The following PHACTR1 variants were observed in gnomAD, a reference collection of about 807,000 sequenced individuals.
The protein encoded by PHACTR1 is RPEL repeat containing 1.
Under a neutral mutation model 69.2 loss-of-function variants are expected in PHACTR1, and 16 were observed. The observed-to-expected ratio is 0.23, with a 90% CI of 0.16 to 0.35. PHACTR1 has a LOEUF of 0.35. Ranked by LOEUF, PHACTR1 falls within the 10% of genes least tolerant of loss-of-function variation. The probability of loss-of-function intolerance (pLI) is 1.00; values close to 1 mark genes in which losing one functional copy is unlikely to be tolerated. For missense variants in PHACTR1, 510 were observed against 734.7 expected, an observed-to-expected ratio of 0.69 and a Z score of 3.54; for synonymous variants, 312 against 284.5, an observed-to-expected ratio of 1.10 and a Z score of -0.97.
chr6:12,958,904 C>T (rs114814011), intron 4 of PHACTR1, among the ~76,000 whole-genome samples: 1,755 of 152,146 alleles, frequency 0.012, 15 homozygotes, highest in Non-Finnish European at 0.019. Flanking sequence ...GGGTCGGGCA[C>T]GGTGGCTCAC....
At chr6:12,918,322 A>C (rs150810343) in intron 4 of PHACTR1, among the ~76,000 whole-genome samples, 36 of 152,160 alleles carry the variant, frequency 2.4e-4, no homozygotes, top group Middle Eastern at 3.4e-3. Context: ...AATTTCCATT[A>C]CTCTTTTTGA....
intron 5 of PHACTR1, among the ~76,000 whole-genome samples, chr6:13,075,507 G>A (rs1263928015): frequency 6.6e-6 from 1 of 152,160 alleles, no homozygotes; most frequent in African/African-American, 2.4e-5. Context: ...GTGAGTAGTT[G>A]TATTTAGTAA....
intron 10 of PHACTR1, among the ~76,000 whole-genome samples, chr6:13,261,810 C>A (rs558189932): frequency 6.6e-6 from 1 of 152,098 alleles, no homozygotes; most frequent in East Asian, 1.9e-4. Context: ...TAAGCTGTAA[C>A]GTTAGGGATT....
At chr6:12,722,561 G>A (rs1361111092) in intron 3 of PHACTR1, among the ~76,000 whole-genome samples, 1 of 152,154 alleles carries the variant, frequency 6.6e-6, no homozygotes, top group Non-Finnish European at 1.5e-5. Context: ...AGGGTGAGAA[G>A]AAAAAGAAGG....
chr6:13,189,526 G>A (rs1181947194), intron 7 of PHACTR1, among the ~76,000 whole-genome samples: 2 of 152,070 alleles, frequency 1.3e-5, no homozygotes, highest in East Asian at 3.9e-4. Context: ...AGCCTCCTGA[G>A]TAGCTGGAAC....
chr6:12,832,276 A>G (rs1258662779), intron 4 of PHACTR1, among the ~76,000 whole-genome samples: 1 of 152,138 alleles, frequency 6.6e-6, no homozygotes, highest in Non-Finnish European at 1.5e-5. Context: ...AACACTTGGA[A>G]AGAACATCTT....
intron 4 of PHACTR1, among the ~76,000 whole-genome samples, chr6:13,049,125 C>A (rs1189272817): frequency 6.6e-6 from 1 of 152,080 alleles, no homozygotes; most frequent in East Asian, 1.9e-4. Flanking sequence ...GTGTTCCTTG[C>A]CACTCTTGGT....
At chr6:12,813,433 C>G (rs1361054197) in intron 4 of PHACTR1, among the ~76,000 whole-genome samples, 1 of 152,182 alleles carries the variant, frequency 6.6e-6, no homozygotes, top group Non-Finnish European at 1.5e-5. Flanking sequence ...GCCAGATTCT[C>G]ATGGTTTAGG....
At chr6:12,799,910 G>A (rs1171051835) in intron 4 of PHACTR1, among the ~76,000 whole-genome samples, 1 of 152,142 alleles carries the variant, frequency 6.6e-6, no homozygotes, top group Admixed American at 6.5e-5. Flanking sequence ...TTGAACTAAC[G>A]CTATAGCATG....
chr6:12,868,554 C>G (rs1781708105), intron 4 of PHACTR1, among the ~76,000 whole-genome samples: 1 of 148,698 alleles, frequency 6.7e-6, no homozygotes, highest in Non-Finnish European at 1.5e-5. Flanking sequence ...ACCAAAATAG[C>G]ACTTGGGGAA....
At chr6:13,025,176 G>A (rs540100127) in intron 4 of PHACTR1, among the ~76,000 whole-genome samples, 2 of 152,166 alleles carry the variant, frequency 1.3e-5, no homozygotes, top group East Asian at 3.9e-4. Context: ...GATTGCTTGA[G>A]CTGGGGAGGT....
At chr6:12,837,078 T>C (rs1778243496) in intron 4 of PHACTR1, among the ~76,000 whole-genome samples, 1 of 152,162 alleles carries the variant, frequency 6.6e-6, no homozygotes, top group African/African-American at 2.4e-5. Context: ...ATCATTAAAG[T>C]CTTTCTCTGC....
intron 4 of PHACTR1, among the ~76,000 whole-genome samples, chr6:12,843,092 T>G (rs1028790805): frequency 2.0e-5 from 3 of 152,210 alleles, no homozygotes; most frequent in African/African-American, 7.2e-5. Flanking sequence ...AGTATCTTAA[T>G]GTGGGAACTA....
chr6:12,863,343 A>T (rs1456390964), intron 4 of PHACTR1, among the ~76,000 whole-genome samples: 1 of 152,202 alleles, frequency 6.6e-6, no homozygotes, highest in Non-Finnish European at 1.5e-5. Flanking sequence ...ATGGAGACTG[A>T]GTAAGCTCTG....
intron 10 of PHACTR1, among the ~76,000 whole-genome samples, chr6:13,239,847 G>GCC (rs1338789205): frequency 6.6e-6 from 1 of 152,180 alleles, no homozygotes; most frequent in Admixed American, 6.5e-5. Context: ...AGGAGAGGAG[G>GCC]CCCCGTCTGC....
intron 4 of PHACTR1, chr6:12,957,864 G>T (rs934747284): frequency 1.7e-5 from 17 of 985,482 alleles, no homozygotes; most frequent in Non-Finnish European, 2.0e-5. Flanking sequence ...GGAAGGCGAA[G>T]GGGCTGCCTG....
At chr6:12,980,072 G>T (rs1795329991) in intron 4 of PHACTR1, among the ~76,000 whole-genome samples, 2 of 152,160 alleles carry the variant, frequency 1.3e-5, no homozygotes, top group African/African-American at 4.8e-5. Flanking sequence ...AAAAGCTGAT[G>T]ACATAATTAG....
chr6:13,091,524 T>C (rs1435436445), intron 5 of PHACTR1, among the ~76,000 whole-genome samples: 1 of 152,152 alleles, frequency 6.6e-6, no homozygotes, highest in Non-Finnish European at 1.5e-5. Flanking sequence ...GAAGACAATT[T>C]TTCTGCCAAA....
At chr6:12,761,977 C>A (rs2127612240) in intron 4 of PHACTR1, among the ~76,000 whole-genome samples, 1 of 152,334 alleles carries the variant, frequency 6.6e-6, no homozygotes, top group African/African-American at 2.4e-5. Flanking sequence ...CGCTGCCTTC[C>A]AGCAACATCC....
Sources: gnomAD v4.1 joint callset for allele counts (sites outside exome capture counted in the v4.1 genomes callset) on GRCh38, gnomAD v4.1.1 for gene constraint, MANE v1.5 for transcripts, NCBI Gene and HGNC (gene_info 2026-07-23, HGNC 2026-07-21) for gene names.